The following PCDHGB3 variants were observed in gnomAD, a reference collection of about 807,000 sequenced individuals.
PCDHGB3 encodes the protein protocadherin gamma-B3.
In PCDHGB3, 40 loss-of-function variants were observed where a neutral mutation model predicts 59.2. The ratio of observed to expected loss-of-function variants is 0.68; its 90% CI spans 0.52 to 0.88. The LOEUF (loss-of-function observed/expected upper bound fraction) is 0.88. PCDHGB3 is among the 40% of genes least tolerant of loss of function. The pLI, the probability that PCDHGB3 is intolerant of heterozygous loss-of-function variation, is 0.00. For missense variants in PCDHGB3, 1,309 were observed against 1,187.9 expected, an observed-to-expected ratio of 1.10 and a Z score of -1.50; for synonymous variants, 581 against 503.6, an observed-to-expected ratio of 1.15 and a Z score of -2.06.
rs764843194 is a variant in PCDHGB3 at position 141,490,530 on chromosome 5, T to A, written c.2416-4277T>A. 1.2e-6 allele frequency: 2 copies of A among 1,613,794 alleles called. No individual in the cohort carries two copies. Among genetic ancestry groups the A allele is most frequent in the African/African-American group, 2.7e-5 (2 of 74,846 alleles). ...TCGAGCTGCTGGCCAGCGATGCTGG[T>A]TCACCTTCCCTACACAAACATCTCA... On this transcript the variant is annotated intron_variant, in intron 1 of 3. Coordinates refer to ENST00000576222, the MANE Select transcript of PCDHGB3 (RefSeq NM_018924.5). This position sits in a 1 kb window ranked among gnomAD's most constrained non-coding sequence, Gnocchi z 5.4.
intron 1 of PCDHGB3, among the ~76,000 whole-genome samples, chr5:141,381,599 T>C (rs1273652437): frequency 9.9e-5 from 15 of 152,240 alleles, no homozygotes; most frequent in Admixed American, 9.8e-4. Flanking sequence ...CAGTTTCTTA[T>C]GAATTCACAG....
At position 141,486,134 on chromosome 5, in the gene PCDHGB3, C is replaced by T; in HGVS notation, c.2416-8673C>T. 6.2e-7 allele frequency: 1 copy of T among 1,614,168 alleles called. No homozygotes were observed. ...TGAGAATTACTATGAATTTGATGTG[C>T]GGGCTCGCGATGGGGGTTCTCCAGC... On this transcript the variant is annotated intron_variant, in intron 1 of 3. Coordinates refer to ENST00000576222, the MANE Select transcript of PCDHGB3 (RefSeq NM_018924.5). The surrounding 1 kb of genome is among the most constrained non-coding windows in gnomAD (Gnocchi z 5.0).
chr5:141,432,087 C>G lies in PCDHGB3; in HGVS notation c.2415+59278C>G. On this transcript the variant is annotated intron_variant, in intron 1 of 3. Coordinates refer to ENST00000576222, the MANE Select transcript of PCDHGB3 (RefSeq NM_018924.5). This position sits in a 1 kb window ranked among gnomAD's most constrained non-coding sequence, Gnocchi z 6.0. ...GAAACTCATATCTCGCTGAACGTGG[C>G]AGACACCAACGACAACCCGCCGGTC... 3 of 1,614,178 alleles carry G rather than the reference C, an allele frequency of 1.9e-6. No homozygotes were observed. The highest frequency in any genetic ancestry group is 2.5e-6 in the Non-Finnish European group (3 of 1,180,042).
intron 1 of PCDHGB3, among the ~76,000 whole-genome samples, chr5:141,450,162 A>T (rs2098671900): frequency 6.6e-6 from 1 of 151,624 alleles, no homozygotes; most frequent in Admixed American, 6.6e-5. Flanking sequence ...ATGTGCCACC[A>T]CACTCCCACC....
chr5:141,374,734 C>A, intron 1 of PCDHGB3: 1 of 1,610,164 alleles, frequency 6.2e-7, no homozygotes, highest in East Asian at 2.2e-5. Flanking sequence ...CCATGGATGG[C>A]GGCGACCCTG....
intron 1 of PCDHGB3, chr5:141,422,772 C>A: frequency 6.2e-7 from 1 of 1,613,922 alleles, no homozygotes. Flanking sequence ...CTGGTGTTCT[C>A]TATGCCCTAC....
At chr5:141,458,854 T>G (rs2098955098) in intron 1 of PCDHGB3, among the ~76,000 whole-genome samples, 1 of 152,182 alleles carries the variant, frequency 6.6e-6, no homozygotes, top group South Asian at 2.1e-4. Flanking sequence ...CACCTCAGCC[T>G]TCCAAGTAGC....
At chr5:141,374,414 G>C in intron 1 of PCDHGB3, 1 of 1,614,026 alleles carries the variant, frequency 6.2e-7, no homozygotes, top group South Asian at 1.1e-5. Flanking sequence ...CATCCTTGTC[G>C]AGGATAAACT....
intron 1 of PCDHGB3, among the ~76,000 whole-genome samples, chr5:141,400,827 C>G (rs1236536713): frequency 2.0e-5 from 3 of 152,178 alleles, no homozygotes; most frequent in Admixed American, 2.0e-4. Flanking sequence ...TTCGTTGTCT[C>G]ATTCTTTAAC....
In PCDHGB3 at chr5:141,490,755, C is replaced by T; in HGVS notation, c.2416-4052C>T. ...AGGTTCAGGGAGCCCCAGCCTCCTC[C>T]TTTGTGTATGTCAACCCAGAGGATG... On this transcript the variant is annotated intron_variant, in intron 1 of 3. Transcript: ENST00000576222. This position sits in a 1 kb window ranked among gnomAD's most constrained non-coding sequence, Gnocchi z 5.4. 1 of 1,614,190 alleles carries T rather than the reference C, an allele frequency of 6.2e-7. No individual in the cohort carries two copies. Among genetic ancestry groups the T allele is most frequent in the Non-Finnish European group, 8.5e-7 (1 of 1,180,026 alleles).
chr5:141,401,822 C>T (rs1340105226), intron 1 of PCDHGB3, among the ~76,000 whole-genome samples: 1 of 152,188 alleles, frequency 6.6e-6, no homozygotes, highest in Non-Finnish European at 1.5e-5. Flanking sequence ...TTACAAAGTG[C>T]TGAGATTTCT....
intron 1 of PCDHGB3, chr5:141,421,422 C>A (rs908483513): frequency 6.2e-7 from 1 of 1,614,086 alleles, no homozygotes; most frequent in South Asian, 1.1e-5. Flanking sequence ...AGCGCGGAGT[C>A]CGCATCGTCT....
chr5:141,491,823 C>T lies in PCDHGB3; in HGVS notation c.2416-2984C>T, dbSNP rs1242708273. On this transcript the variant is annotated intron_variant, in intron 1 of 3. Transcript: ENST00000576222. The surrounding 1 kb of genome is among the most constrained non-coding windows in gnomAD (Gnocchi z 6.9). ...GCCGGCTTGGTCGCTGGCTGCGCTC[C>T]ACCCGATTCTCGGGATCATTGGACC... The T allele has an allele frequency of 2.7e-6, 4 of 1,479,038 alleles. No homozygotes were observed. Among genetic ancestry groups the T allele is most frequent in the Non-Finnish European group, 3.6e-6 (4 of 1,115,300 alleles). 91.6% of individuals were successfully genotyped at this position (1,479,038 alleles called of 1,614,324 possible).
chr5:141,420,047 G>C (rs1242042066), intron 1 of PCDHGB3: 1 of 1,613,958 alleles, frequency 6.2e-7, no homozygotes, highest in East Asian at 2.2e-5. Flanking sequence ...CTTTGAGTCA[G>C]TTCTCTGCTC....
rs749469652 is a variant in PCDHGB3, at chr5:141,371,514, CT to C, written c.1121del (p.Leu374GlnfsTer13). On this transcript the variant is annotated frameshift_variant, in exon 1 of 4. Transcript: ENST00000576222. LOFTEE classifies it high-confidence loss of function. The stretch of plus-strand genomic sequence containing the variant: ...CGTTGCCCTGATCAAAACACATGAT[CT>C]AGATTCTGGATTTAATGGAGAAATC... ...TAVALIKTHD[L>X]DSGFNGEILC... The C allele has an allele frequency of 1.9e-6, 3 of 1,613,792 alleles. No homozygotes were observed. The South Asian group carries it at 3.3e-5, about 18-fold the overall frequency.
rs532361069 is a variant in PCDHGB3, at chr5:141,371,961, G to T, written c.1567G>T (p.Glu523Ter). ...GTTCGCGCAGCGAGCCTTCGACCAC[G>T]AGCAGCTGCGTGCCTTCGAGCTCAC... The part of the protein sequence containing the change: ...VVFAQRAFDH[E>*]QLRAFELTLQ... The change falls in exon 1 of 4, where the codon GAG (glutamate) becomes TAG (stop). Residue 523 changes from glutamate (E) to a stop codon, truncating the protein, a stop_gained. Coordinates refer to ENST00000576222, the MANE Select transcript of PCDHGB3 (RefSeq NM_018924.5). LOFTEE classifies it high-confidence loss of function. 5 of 1,613,240 alleles carry T rather than the reference G, an allele frequency of 3.1e-6. No individual in the cohort carries two copies. The highest frequency in any genetic ancestry group is 1.7e-5 in the Admixed American group (1 of 60,006).
chr5:141,431,984 G>A lies in PCDHGB3; in HGVS notation c.2415+59175G>A, dbSNP rs758365921. 2 of 1,614,220 alleles carry A rather than the reference G, an allele frequency of 1.2e-6. No individual in the cohort carries two copies. The highest frequency in any genetic ancestry group is 2.2e-5 in the South Asian group (2 of 91,086). On this transcript the variant is annotated intron_variant, in intron 1 of 3. Transcript: ENST00000576222. The surrounding 1 kb of genome is among the most constrained non-coding windows in gnomAD (Gnocchi z 4.8). ...TTACTATAGTTTAGTCACAGACATAGTCTTGGATAGGGAACAGGTTCCTAG... is the reference window on the plus strand; with the variant it reads ...TTACTATAGTTTAGTCACAGACATAATCTTGGATAGGGAACAGGTTCCTAG...
Position 141,486,674 on chromosome 5 carries a change from G to A in PCDHGB3, c.2416-8133G>A. On this transcript the variant is annotated intron_variant, in intron 1 of 3. Transcript: ENST00000576222. This position sits in a 1 kb window ranked among gnomAD's most constrained non-coding sequence, Gnocchi z 5.0. ...CTCACTCCTGGAGCCCAGGAATCGA[G>A]ATGTATCAGCTTCCTCTTTCATCTC... The A allele has an allele frequency of 1.9e-6, 3 of 1,614,080 alleles. No individual in the cohort carries two copies. Among genetic ancestry groups the A allele is most frequent in the Non-Finnish European group, 2.5e-6 (3 of 1,180,036 alleles).
chr5:141,437,648 A>G (rs1291089695), intron 1 of PCDHGB3, among the ~76,000 whole-genome samples: 2 of 152,204 alleles, frequency 1.3e-5, no homozygotes, highest in African/African-American at 4.8e-5. Context: ...AGAAAAGCAA[A>G]CACATAGTTT....
Sources: allele counts gnomAD v4.1 joint callset (sites outside exome capture counted in the v4.1 genomes callset), GRCh38; gene constraint gnomAD v4.1.1; non-coding constraint Gnocchi (gnomAD v3.1); transcripts MANE v1.5; gene names NCBI Gene and HGNC (gene_info 2026-07-23, HGNC 2026-07-21).